Variants in SLC25A48 observed in about 807,000 individuals in gnomAD.
SLC25A48 encodes CTC-321K16.1.
In SLC25A48, 29 loss-of-function variants were observed where a neutral mutation model predicts 32.2. The observed-to-expected ratio is 0.90, with a 90% confidence interval of 0.67 to 1.23. The LOEUF (loss-of-function observed/expected upper bound fraction) is 1.23, where lower values mean the gene tolerates loss of function less well. SLC25A48 is among the 50% of genes most tolerant of loss of function. The pLI is 0.00. For missense variants in SLC25A48, 399 were observed against 422.7 expected (o/e 0.94, Z 0.49); for synonymous variants, 164 against 172.3 (o/e 0.95, Z 0.38).
chr5:135,797,672 A>G (rs1437170334), intron 3 of SLC25A48, among the ~76,000 whole-genome samples: 3 of 151,752 alleles, frequency 2.0e-5, no homozygotes, highest in Non-Finnish European at 4.4e-5. Context: ...CCTAATATCC[A>G]GGGCAGGCAG....
intron 3 of SLC25A48, among the ~76,000 whole-genome samples, chr5:135,765,856 G>A (rs1423147978): frequency 6.7e-6 from 1 of 150,278 alleles, no homozygotes; most frequent in African/African-American, 2.5e-5. Flanking sequence ...AAGGAGAGGG[G>A]GATACTATTC....
intron 3 of SLC25A48, among the ~76,000 whole-genome samples, chr5:135,807,707 T>C (rs1419753850): frequency 2.0e-5 from 3 of 150,478 alleles, no homozygotes; most frequent in Admixed American, 1.3e-4. Flanking sequence ...ATTAATATCA[T>C]TGTGTGTTAA....
At chr5:135,795,166 A>G (rs1757137080) in intron 3 of SLC25A48, among the ~76,000 whole-genome samples, 1 of 151,834 alleles carries the variant, frequency 6.6e-6, no homozygotes, top group African/African-American at 2.4e-5. Context: ...TACTCCCAAT[A>G]TCGCAAGGGG....
chr5:135,858,514 A>G (rs1760518708), intron 4 of SLC25A48, among the ~76,000 whole-genome samples: 1 of 152,192 alleles, frequency 6.6e-6, no homozygotes, highest in Non-Finnish European at 1.5e-5. Flanking sequence ...ACACAATGCT[A>G]GGAGCTTGGC....
intron 4 of SLC25A48, chr5:135,824,396 T>TTCTCAGATGTGTCAGAA (rs1757973932): frequency 6.6e-6 from 1 of 152,362 alleles, no homozygotes; most frequent in African/African-American, 2.4e-5. Flanking sequence ...CGTCCTTCTT[T>TTCTCAGATGTGTCAGAA]TCTCAGATGT....
chr5:135,695,385 G>A (rs2126961459), intron 3 of SLC25A48, among the ~76,000 whole-genome samples: 1 of 152,384 alleles, frequency 6.6e-6, no homozygotes, highest in Admixed American at 6.5e-5. Flanking sequence ...CTGGCACAGA[G>A]TCTGTTCTCA....
chr5:135,797,423 C>A (rs186898075), intron 3 of SLC25A48, among the ~76,000 whole-genome samples: 12 of 151,878 alleles, frequency 7.9e-5, no homozygotes, highest in East Asian at 5.8e-4. Context: ...GGGTGTACAC[C>A]CTTGCTGTGA....
At chr5:135,833,634 T>C (rs553603069), upstream of SLC25A48, among the ~76,000 whole-genome samples, 51 of 152,248 alleles carry the variant, frequency 3.3e-4, no homozygotes, top group South Asian at 0.01. Context: ...CCTGGAACTT[T>C]GCAATACTTC....
At chr5:135,656,857 A>G (rs1753263487) in intron 3 of SLC25A48, among the ~76,000 whole-genome samples, 1 of 152,190 alleles carries the variant, frequency 6.6e-6, no homozygotes, top group African/African-American at 2.4e-5. Context: ...AGAATGCCCC[A>G]CATGTTTCTG....
chr5:135,821,789 G>C (rs1167025411), intron 4 of SLC25A48: 1 of 152,230 alleles, frequency 6.6e-6, no homozygotes, highest in African/African-American at 2.4e-5. Flanking sequence ...AGGCAGAGGG[G>C]GATTTGCCAG....
chr5:135,772,173 C>T (rs867288990), intron 3 of SLC25A48, among the ~76,000 whole-genome samples: 4 of 150,598 alleles, frequency 2.7e-5, no homozygotes, highest in East Asian at 3.9e-4. Flanking sequence ...TGATATTGTT[C>T]GTAATACCCA....
exon 3 of SLC25A48, chr5:135,634,821 G>C (rs902767798): frequency 1.3e-5 from 2 of 152,246 alleles, no homozygotes; most frequent in African/African-American, 2.4e-5. Flanking sequence ...GTGCCACCGT[G>C]TTAAGAAGAA....
intron 3 of SLC25A48, among the ~76,000 whole-genome samples, chr5:135,668,218 A>C (rs999285734): frequency 6.6e-6 from 1 of 152,270 alleles, no homozygotes. Flanking sequence ...CAGAGATTTC[A>C]TCATAATGAC....
chr5:135,861,236 T>G (rs1054470361), intron 4 of SLC25A48, among the ~76,000 whole-genome samples: 9 of 152,072 alleles, frequency 5.9e-5, no homozygotes, highest in African/African-American at 2.2e-4. Context: ...ACCATGTTAT[T>G]AAAATAGCAT....
At chr5:135,710,604 T>A (rs998276026) in intron 3 of SLC25A48, among the ~76,000 whole-genome samples, 19 of 152,260 alleles carry the variant, frequency 1.2e-4, no homozygotes, top group Admixed American at 1.2e-3. Flanking sequence ...TTTGCTCCTC[T>A]GTGCAAATGG....
intron 7 of SLC25A48, among the ~76,000 whole-genome samples, chr5:135,883,736 A>G (rs1229564207): frequency 6.6e-6 from 1 of 152,218 alleles, no homozygotes; most frequent in Non-Finnish European, 1.5e-5. Context: ...GACTTGCTTC[A>G]GAGAGTTTGG....
chr5:135,816,489 A>G (rs1227930499), intron 4 of SLC25A48, among the ~76,000 whole-genome samples: 4 of 152,206 alleles, frequency 2.6e-5, no homozygotes, highest in Non-Finnish European at 4.4e-5. Context: ...CTATTACTCA[A>G]TAAATTCTTA....
At chr5:135,837,513 G>A (rs981476735) in intron 1 of SLC25A48, among the ~76,000 whole-genome samples, 24 of 152,130 alleles carry the variant, frequency 1.6e-4, no homozygotes, top group Admixed American at 7.2e-4. Context: ...AGGCTGATAC[G>A]GTTTGGCTGT....
At chr5:135,723,347 G>T (rs1755006971) in intron 3 of SLC25A48, among the ~76,000 whole-genome samples, 1 of 140,918 alleles carries the variant, frequency 7.1e-6, no homozygotes, top group South Asian at 2.3e-4. Flanking sequence ...TCCAGTGGAA[G>T]GGAGTCTGTC....
Sources: gnomAD v4.1 joint callset for allele counts (sites outside exome capture counted in the v4.1 genomes callset) on GRCh38, gnomAD v4.1.1 for gene constraint, MANE v1.5 for transcripts, NCBI Gene and HGNC (gene_info 2026-07-23, HGNC 2026-07-21) for gene names.